The following KNL1 variants were observed in gnomAD, a reference collection of about 807,000 sequenced individuals.
KNL1 encodes the protein kinetochore scaffold 1, also known as outer kinetochore KNL1 complex subunit KNL1.
KNL1 carries 66 observed loss-of-function variants against 201.3 expected under a neutral mutation model. That is an observed-to-expected ratio of 0.33 (90% CI 0.27 to 0.40). KNL1 has a LOEUF of 0.40. KNL1 is among the 10% of genes least tolerant of loss of function. The pLI is 1.00. For synonymous variants in KNL1, 895 were observed against 899.2 expected, an observed-to-expected ratio of 1.00 and a Z score of 0.08; for missense variants, 2,815 against 2,690.5, an observed-to-expected ratio of 1.05 and a Z score of -1.02.
At chr15:40,615,533 C>A in intron 8 of KNL1, 155 bp downstream of exon 8, 1 of 255,482 alleles carries the variant, frequency 3.9e-6, no homozygotes. Flanking sequence ...TTTTGGCAGG[C>A]TGAGGCAGGC....
intron 17 of KNL1, 131 bp downstream of exon 17, chr15:40,647,205 T>G: frequency 1.8e-6 from 1 of 561,008 alleles, no homozygotes; most frequent in Non-Finnish European, 3.3e-6. Flanking sequence ...TAGAGTAAAT[T>G]GGCTCACGCC....
intron 1 of KNL1, among the ~76,000 whole-genome samples, chr15:40,600,367 G>T (rs1891755317): frequency 6.6e-6 from 1 of 152,186 alleles, no homozygotes; most frequent in South Asian, 2.1e-4. Flanking sequence ...GGGCCACCAC[G>T]CCCGGCTATT....
chr15:40,606,464 G>A lies in KNL1; in HGVS notation c.135+12G>A. On this transcript the variant is annotated intron_variant, in intron 4 of 25. Coordinates refer to ENST00000399668, the MANE Select transcript of KNL1 (RefSeq NM_144508.5). ...ATGAAAGAGTTCAGGTAAGTCTTTT[G>A]TGCAAATACTTTATAGATGACTATT... 1 of 1,422,680 alleles carries A rather than the reference G, an allele frequency of 7.0e-7. No homozygotes were observed. The highest frequency in any genetic ancestry group is 9.9e-7 in the Non-Finnish European group (1 of 1,007,538). The allele number at this position is 1,422,680 out of a possible 1,614,324, so 88.1% of individuals were successfully genotyped here.
At chr15:40,661,003 A>C (rs769959459) in intron 25 of KNL1, among the ~76,000 whole-genome samples, 5 of 152,184 alleles carry the variant, frequency 3.3e-5, no homozygotes, top group Non-Finnish European at 5.9e-5. Flanking sequence ...AAAATGTTTC[A>C]TTCCTCCTAG....
Position 40,641,034 on chromosome 15 carries a change from A to G in KNL1, c.5798+7A>G, listed in dbSNP as rs1595938852. The G allele has an allele frequency of 3.2e-6, 5 of 1,567,800 alleles. No individual in the cohort carries two copies. The highest frequency in any genetic ancestry group is 4.4e-6 in the Non-Finnish European group (5 of 1,142,830). Reference sequence around the variant, plus strand: ...GTCGCCAAAAGATTGAAGAGTATGAAAGCTTTAATTTTTATGTGTGTTTTT... The same window carrying G: ...GTCGCCAAAAGATTGAAGAGTATGAGAGCTTTAATTTTTATGTGTGTTTTT... On this transcript the variant is annotated splice_region_variant and intron_variant, in intron 14 of 25. Coordinates refer to ENST00000399668, the MANE Select transcript of KNL1 (RefSeq NM_144508.5).
chr15:40,661,829 C>T (rs1311506560), intron 25 of KNL1, among the ~76,000 whole-genome samples: 1 of 151,772 alleles, frequency 6.6e-6, no homozygotes, highest in East Asian at 1.9e-4. Flanking sequence ...GATCACAAGG[C>T]CAGGAGATCG....
intron 1 of KNL1, 55 bp from the exon 2 acceptor site, chr15:40,602,860 C>A: frequency 1.1e-6 from 1 of 943,738 alleles, no homozygotes; most frequent in Non-Finnish European, 1.7e-6. Context: ...TTTTCTTAGA[C>A]TGTAGTTGCT....
chr15:40,627,624 T>C (rs1892793242), intron 10 of KNL1, among the ~76,000 whole-genome samples: 1 of 152,138 alleles, frequency 6.6e-6, no homozygotes. Flanking sequence ...ACATAACTTA[T>C]TCAGCTAAAG....
chr15:40,625,324 A>T lies in KNL1; in HGVS notation c.5060A>T (p.Gln1687Leu). 6.2e-7 allele frequency: 1 copy of T among 1,614,156 alleles called. No individual in the cohort carries two copies. Among genetic ancestry groups the T allele is most frequent in the East Asian group, 2.2e-5 (1 of 44,876 alleles). Residue 1687 changes from glutamine to leucine, a missense_variant, in exon 10 of 26, where the codon CAG becomes CTG. Transcript: ENST00000399668. ...ACTGATATAAATCACTTAGAAACTCAGCCGGTCTCTAGCAAAGATTCAGGC... is the reference window on the plus strand; with the variant it reads ...ACTGATATAAATCACTTAGAAACTCTGCCGGTCTCTAGCAAAGATTCAGGC... ...DTTDINHLET[Q>L]PVSSKDSGIG...
chr15:40,610,283 A>T lies in KNL1; in HGVS notation c.236A>T (p.Lys79Met). 6.6e-7 allele frequency: 1 copy of T among 1,525,098 alleles called. No homozygotes were observed. The highest frequency in any genetic ancestry group is 1.7e-4 in the Middle Eastern group (1 of 5,880). The allele number at this position is 1,525,098 out of a possible 1,614,324, so 94.5% of individuals were successfully genotyped here. Residue 79 changes from lysine (K) to methionine (M), a missense_variant, in exon 6 of 26, where the codon AAG becomes ATG. Coordinates refer to ENST00000399668, the MANE Select transcript of KNL1 (RefSeq NM_144508.5). ...QTESHMKIVR[K>M]SEMEETETGE... is the part of the protein sequence containing the mutation. ...GAGTCTCATATGAAAATAGTGAGAA[A>T]GTCAGAAATGGAAGGTAAGTATGTT...
rs1892590683 is a variant in KNL1, at chr15:40,622,852, T to C, written c.2588T>C (p.Val863Ala). ...VGGPKIDKTI[V>A]FSEDDKNDMD... is the part of the protein sequence containing the mutation. ...GGACCAAAAATTGATAAGACTATTG[T>C]ATTTTCAGAAGACGATAAGAATGAT... Residue 863 changes from valine to alanine, a missense_variant, in exon 10 of 26, where the codon GTA becomes GCA. This residue lies in a region of KNL1 where 2,464 missense variants were observed against 2,291.7 expected (regional missense o/e 1.08). Transcript: ENST00000399668. The C allele has an allele frequency of 6.2e-7, 1 of 1,613,538 alleles. No homozygotes were observed. Among genetic ancestry groups the C allele is most frequent in the African/African-American group, 1.3e-5 (1 of 74,896 alleles).
intron 13 of KNL1, among the ~76,000 whole-genome samples, chr15:40,640,132 T>C (rs555627813): frequency 4.7e-5 from 7 of 149,530 alleles, no homozygotes; most frequent in Non-Finnish European, 8.9e-5. Context: ...AGTCCTGCTC[T>C]GTTGCCCAGG....
At chr15:40,650,270 G>T in intron 17 of KNL1, 31 bp from the exon 18 acceptor site, 1 of 1,354,034 alleles carries the variant, frequency 7.4e-7, no homozygotes, top group South Asian at 1.3e-5. Flanking sequence ...ATTTTTCACT[G>T]AATTATTCTA....
intron 24 of KNL1, among the ~76,000 whole-genome samples, chr15:40,658,404 C>G (rs896841843): frequency 1.3e-5 from 2 of 151,290 alleles, no homozygotes; most frequent in African/African-American, 2.4e-5. Flanking sequence ...TGGCAGGTGC[C>G]TGTAATCCCA....
intron 13 of KNL1, among the ~76,000 whole-genome samples, chr15:40,640,080 T>TC (rs1228805111): frequency 0.012 from 1,841 of 151,030 alleles, 39 homozygotes; most frequent in African/African-American, 0.042. Flanking sequence ...TCTTTTCTTT[T>TC]TTTTCTTTTT....
rs143397917 is a variant in KNL1 at position 40,652,886 on chromosome 15, A to T, written c.6415+781A>T. 1.6e-3 allele frequency among the ~76,000 whole-genome samples: 247 copies of T among 152,194 alleles called. 1 individual carries two copies. The highest frequency in any genetic ancestry group is 5.6e-3 in the African/African-American group (234 of 41,538). Reference sequence around the variant, plus strand: ...GTGGAAATCACTATATGGTAACTGGACAGAGGCCCAGCTGTTTTGTTGGAG... The same window carrying T: ...GTGGAAATCACTATATGGTAACTGGTCAGAGGCCCAGCTGTTTTGTTGGAG... On this transcript the variant is annotated intron_variant, in intron 21 of 25. Coordinates refer to ENST00000399668, the MANE Select transcript of KNL1 (RefSeq NM_144508.5).
At position 40,622,419 on chromosome 15, in the gene KNL1, A is replaced by G; in HGVS notation, c.2155A>G (p.Ser719Gly). The change falls in exon 10 of 26, where the codon AGT becomes GGT. Residue 719 changes from serine (S) to glycine (G), a missense_variant. Ser to Gly is a moderately conservative substitution (Grantham distance 56, BLOSUM62 0). Coordinates refer to ENST00000399668, the MANE Select transcript of KNL1 (RefSeq NM_144508.5). The stretch of plus-strand genomic sequence containing the variant: ...GAAAAATCATGATACTGCTATAAGT[A>G]GTCATACAGTGAAATCTGTACTAGG... ...SMKNHDTAIS[S>G]HTVKSVLGQN... 6.2e-7 allele frequency: 1 copy of G among 1,613,752 alleles called. No homozygotes were observed. Among genetic ancestry groups the G allele is most frequent in the Non-Finnish European group, 8.5e-7 (1 of 1,179,746 alleles).
At chr15:40,638,193 A>G (rs903039082) in intron 13 of KNL1, among the ~76,000 whole-genome samples, 67 of 142,300 alleles carry the variant, frequency 4.7e-4, no homozygotes, top group African/African-American at 1.7e-3. Flanking sequence ...ATCTCAAAAG[A>G]AAGAAAGAGA....
chr15:40,653,877 C>A (rs1284579936), intron 21 of KNL1, among the ~76,000 whole-genome samples: 1 of 151,716 alleles, frequency 6.6e-6, no homozygotes, highest in African/African-American at 2.4e-5. Context: ...ACGCTGTTTT[C>A]CCCCACTTCA....
Sources: allele counts gnomAD v4.1 joint callset (sites outside exome capture counted in the v4.1 genomes callset), GRCh38; gene constraint gnomAD v4.1.1; regional missense constraint gnomAD v4.1.1; transcripts MANE v1.5; gene names NCBI Gene and HGNC (gene_info 2026-07-23, HGNC 2026-07-21).